Variants in RAPGEF6 observed in about 807,000 individuals in gnomAD.
RAPGEF6 encodes the protein PDZ domain containing guanine nucleotide exchange factor (GEF) 2.
RAPGEF6 carries 56 observed loss-of-function variants against 171.4 expected under a neutral mutation model. The observed-to-expected ratio is 0.33, with a 90% CI of 0.26 to 0.41. The LOEUF (loss-of-function observed/expected upper bound fraction) is 0.41, where lower values mean the gene tolerates loss of function less well. Ranked by LOEUF, RAPGEF6 falls within the 10% of genes least tolerant of loss-of-function variation. RAPGEF6 has a pLI of 1.00. For synonymous variants in RAPGEF6, 692 were observed against 650.1 expected (o/e 1.06, Z -0.98); for missense variants, 1,674 against 1,921.4 (o/e 0.87, Z 2.41).
chr5:131,483,444 G>T (rs946497157), intron 15 of RAPGEF6, among the ~76,000 whole-genome samples: 2 of 150,668 alleles, frequency 1.3e-5, no homozygotes, highest in Admixed American at 1.3e-4. Flanking sequence ...TTAAAGAAGA[G>T]AAATGATTGC....
rs552302149 is a variant in RAPGEF6, at chr5:131,446,830, G to A, written c.3201-127C>T. The A allele has an allele frequency of 4.6e-6, 4 of 866,790 alleles. No homozygotes were observed. In the East Asian group the frequency reaches 7.6e-5, roughly 16 times the overall value. 53.7% of individuals were successfully genotyped at this position (866,790 alleles called of 1,614,324 possible). Reference sequence around the variant, plus strand: ...TGATGTAAATGAGTTAAAAGATGAAGAGCATTAATGCAAAGTAATTTGGCA... The same window carrying A: ...TGATGTAAATGAGTTAAAAGATGAAAAGCATTAATGCAAAGTAATTTGGCA... On this transcript the variant is annotated intron_variant, in intron 21 of 27. Coordinates refer to ENST00000509018, the MANE Select transcript of RAPGEF6 (RefSeq NM_016340.6).
chr5:131,442,320 C>T (rs369836389), intron 23 of RAPGEF6, 29 bp downstream of exon 23: 158 of 1,548,896 alleles, frequency 1.0e-4, no homozygotes, highest in East Asian at 5.9e-4. Context: ...TTCAGGTAAA[C>T]GGATGTAATA....
rs949619474 is a variant in RAPGEF6 at position 131,487,260 on chromosome 5, A to C, written c.1840+2286T>G. Among the ~76,000 whole-genome samples the C allele has an allele frequency of 1.3e-5, 2 of 152,218 alleles. 1 individual carries two copies. Among genetic ancestry groups the C allele is most frequent in the Admixed American group, 1.3e-4 (2 of 15,282 alleles). On this transcript the variant is annotated intron_variant, in intron 15 of 27. Transcript: ENST00000509018. ...CAGCTCTTAAAGGTGGTGCAGACCC[A>C]AAGAGTGAGCAGCAGCAAGATTTAT...
At chr5:131,618,182 A>G (rs554377947) in intron 1 of RAPGEF6, among the ~76,000 whole-genome samples, 93 of 152,342 alleles carry the variant, frequency 6.1e-4, no homozygotes, top group Non-Finnish European at 1.1e-3. Context: ...TCCACTGGCT[A>G]TATTTGGAGC....
At chr5:131,566,067 T>TGCCTGGGAGGTCC (rs1298882793) in intron 4 of RAPGEF6, among the ~76,000 whole-genome samples, 1 of 151,556 alleles carries the variant, frequency 6.6e-6, no homozygotes, top group African/African-American at 2.4e-5. Flanking sequence ...GGATCACTTG[T>TGCCTGGGAGGTCC]GCCTGGGAGG....
intron 4 of RAPGEF6, among the ~76,000 whole-genome samples, chr5:131,576,404 A>G (rs1217921015): frequency 6.6e-6 from 1 of 152,162 alleles, no homozygotes; most frequent in African/African-American, 2.4e-5. Flanking sequence ...TATCTACACT[A>G]ATTCCAAGTA....
intron 3 of RAPGEF6, among the ~76,000 whole-genome samples, chr5:131,598,027 A>G (rs1433546201): frequency 6.6e-6 from 1 of 152,174 alleles, no homozygotes; most frequent in African/African-American, 2.4e-5. Flanking sequence ...AAGTATCAAC[A>G]TTGCTGGAAA....
rs1751999847 is a variant in RAPGEF6, at chr5:131,436,271, T to C, written c.3746-2613A>G. 1.1e-5 allele frequency: 17 copies of C among 1,537,568 alleles called. No homozygotes were observed. In the East Asian group the frequency reaches 3.7e-4, roughly 33 times the overall value. On this transcript the variant is annotated intron_variant, in intron 24 of 27. Transcript: ENST00000509018. ...GCCTTCTCAGTACTGTCTGTTCTTTTGGCTGTGCTCCTGGTAATCTGAAGG... is the reference window on the plus strand; with the variant it reads ...GCCTTCTCAGTACTGTCTGTTCTTTCGGCTGTGCTCCTGGTAATCTGAAGG...
In RAPGEF6 at chr5:131,487,380, T is replaced by G. The variant is rs531377587; in HGVS notation, c.1840+2166A>C. On this transcript the variant is annotated intron_variant, in intron 15 of 27. Coordinates refer to ENST00000509018, the MANE Select transcript of RAPGEF6 (RefSeq NM_016340.6). ...GGGTGGCCAGCTTTTATTCCCTTATTTGTCCCTGCCCACATCCTGCTGATT... is the reference window on the plus strand; with the variant it reads ...GGGTGGCCAGCTTTTATTCCCTTATGTGTCCCTGCCCACATCCTGCTGATT... 2.0e-5 allele frequency among the ~76,000 whole-genome samples: 3 copies of G among 152,322 alleles called. No individual in the cohort carries two copies. The East Asian group carries it at 5.8e-4, about 29-fold the overall frequency.
At chr5:131,528,099 TTA>T (rs1759033298) in intron 6 of RAPGEF6, among the ~76,000 whole-genome samples, 5 of 128,228 alleles carry the variant, frequency 3.9e-5, no homozygotes, top group African/African-American at 9.7e-5. Flanking sequence ...TAATATAAAT[TTA>T]TATATTATAT....
intron 15 of RAPGEF6, among the ~76,000 whole-genome samples, chr5:131,479,997 G>A (rs2149856904): frequency 1.3e-5 from 2 of 152,050 alleles, no homozygotes; most frequent in South Asian, 4.2e-4. Context: ...TCAGTGGGGG[G>A]AAAGGGAAAG....
intron 15 of RAPGEF6, among the ~76,000 whole-genome samples, chr5:131,487,519 T>C (rs1209404189): frequency 6.6e-6 from 1 of 152,210 alleles, no homozygotes; most frequent in Non-Finnish European, 1.5e-5. Flanking sequence ...GAGCACTGAT[T>C]GGTGCGTTTT....
At chr5:131,473,047 C>A (rs185726614) in intron 16 of RAPGEF6, 82 of 278,272 alleles carry the variant, frequency 2.9e-4, no homozygotes, top group African/African-American at 1.7e-3. Flanking sequence ...ATTTAGGGAA[C>A]CCTTCAAATT....
chr5:131,444,925 A>G (rs1238554432), intron 22 of RAPGEF6, among the ~76,000 whole-genome samples: 1 of 152,232 alleles, frequency 6.6e-6, no homozygotes, highest in Non-Finnish European at 1.5e-5. Flanking sequence ...ATACTCTTTC[A>G]GCTTTTACCT....
At chr5:131,430,026 G>A (rs2149804323) in intron 26 of RAPGEF6, among the ~76,000 whole-genome samples, 1 of 150,026 alleles carries the variant, frequency 6.7e-6, no homozygotes, top group South Asian at 2.1e-4. Flanking sequence ...CTCCAGCCTG[G>A]GCAATACAGC....
intron 13 of RAPGEF6, among the ~76,000 whole-genome samples, chr5:131,493,964 G>A (rs529983179): frequency 6.6e-6 from 1 of 152,250 alleles, no homozygotes; most frequent in East Asian, 1.9e-4. Context: ...AAGTCAATAG[G>A]AACCAAGGGG....
At chr5:131,468,486 A>T (rs1754528468) in intron 17 of RAPGEF6, among the ~76,000 whole-genome samples, 1 of 151,870 alleles carries the variant, frequency 6.6e-6, no homozygotes, top group Non-Finnish European at 1.5e-5. Flanking sequence ...TAAATCTTAC[A>T]GCGGTAAAAT....
At chr5:131,474,555 T>TAGAGAAACAGGAAGTGCTTTCCTGGGG in intron 16 of RAPGEF6, among the ~76,000 whole-genome samples, 1 of 152,166 alleles carries the variant, frequency 6.6e-6, no homozygotes, top group Non-Finnish European at 1.5e-5. Context: ...GTAAAGGTAC[T>TAGAGAAACAGGAAGTGCTTTCCTGGGG]AGAGAAACAG....
chr5:131,632,471 T>C (rs1580709710), intron 1 of RAPGEF6, among the ~76,000 whole-genome samples: 1 of 152,332 alleles, frequency 6.6e-6, no homozygotes, highest in Admixed American at 6.5e-5. Flanking sequence ...TTGCTTTCAA[T>C]CCCTCTTACT....
Sources: gnomAD v4.1 joint callset for allele counts (sites outside exome capture counted in the v4.1 genomes callset) on GRCh38, gnomAD v4.1.1 for gene constraint, MANE v1.5 for transcripts, NCBI Gene and HGNC (gene_info 2026-07-23, HGNC 2026-07-21) for gene names.